ADAR: variants seen among roughly 807,000 people sequenced by gnomAD.
The protein encoded by ADAR is double-stranded RNA-specific adenosine deaminase.
ADAR carries 41 observed loss-of-function variants against 113.2 expected under a neutral mutation model. The observed-to-expected ratio is 0.36, with a 90% CI of 0.28 to 0.47. ADAR has a LOEUF of 0.47. Among genes scored for constraint, ADAR ranks in the 20% least tolerant of loss-of-function variants. ADAR has a pLI of 1.00. For missense variants in ADAR, 1,242 were observed against 1,540.9 expected, an observed-to-expected ratio of 0.81 and a Z score of 3.25; for synonymous variants, 605 against 572.6, an observed-to-expected ratio of 1.06 and a Z score of -0.81.
chr1:154,588,818 G>GGTC, intron 9 of ADAR, 145 bp from the exon 10 acceptor site: 1 of 1,163,956 alleles, frequency 8.6e-7, no homozygotes, highest in Non-Finnish European at 1.3e-6. Flanking sequence ...ATTCTCCAGG[G>GGTC]GAGACCTCAG....
upstream of ADAR, among the ~76,000 whole-genome samples, chr1:154,611,675 C>A (rs1698492256): frequency 6.6e-6 from 1 of 152,230 alleles, no homozygotes; most frequent in Non-Finnish European, 1.5e-5. Context: ...ACTGCCAACA[C>A]ATGGGTGGTC....
Position 154,582,571 on chromosome 1 carries a change from A to G in ADAR, c.*2235T>C, listed in dbSNP as rs1021097695. ...GCCTCGCTCTCTTCCTACAACAGAA[A>G]CTGAATACTACAGGCTTGCTAGATA... On this transcript the variant is annotated 3_prime_UTR_variant, in exon 15 of 15. Coordinates refer to ENST00000368474, the MANE Select transcript of ADAR (RefSeq NM_001111.5). The G allele has an allele frequency of 2.0e-5, 3 of 151,888 alleles. No homozygotes were observed. The highest frequency in any genetic ancestry group is 2.0e-4 in the Admixed American group (3 of 15,242). 9.4% of individuals were successfully genotyped at this position (151,888 alleles called of 1,614,324 possible).
At chr1:154,621,195 T>C (rs1698782949) in intron 1 of ADAR, among the ~76,000 whole-genome samples, 1 of 152,188 alleles carries the variant, frequency 6.6e-6, no homozygotes, top group South Asian at 2.1e-4. Flanking sequence ...TGATTTTATT[T>C]AAAATATTAC....
At chr1:154,586,505 G>A in intron 11 of ADAR, 142 bp from the exon 12 acceptor site, 1 of 892,584 alleles carries the variant, frequency 1.1e-6, no homozygotes, top group Non-Finnish European at 1.8e-6. Flanking sequence ...TATGCGCCAG[G>A]CACTATGCTT....
intron 1 of ADAR, among the ~76,000 whole-genome samples, chr1:154,626,687 A>T (rs1698946837): frequency 6.6e-6 from 1 of 152,192 alleles, no homozygotes; most frequent in Admixed American, 6.5e-5. Flanking sequence ...ACCTCGGGCA[A>T]GGTAGATATA....
At position 154,601,214 on chromosome 1, in the gene ADAR, G is replaced by C; in HGVS notation, c.1428C>G (p.Ile476Met). Reference protein sequence around the residue: ...IRAAPGEFRAIMEMPSFYSHG... With the variant: ...IRAAPGEFRAMMEMPSFYSHG... ...GACTGTAGAAGGAGGGCATCTCCAT[G>C]ATGGCTCGAAACTCACCTGGTGCTG... The change falls in exon 2 of 15, where the codon ATC (isoleucine) becomes ATG (methionine). Residue 476 changes from isoleucine (I) to methionine (M), a missense_variant. By Grantham distance (10) the Ile-to-Met change is conservative (BLOSUM62 1). Coordinates refer to ENST00000368474, the MANE Select transcript of ADAR (RefSeq NM_001111.5). The surrounding 1 kb of genome is among the most constrained non-coding windows in gnomAD (Gnocchi z 4.7). 6.2e-7 allele frequency: 1 copy of C among 1,614,220 alleles called. No homozygotes were observed. The highest frequency in any genetic ancestry group is 8.5e-7 in the Non-Finnish European group (1 of 1,180,036).
rs1696521345 is a variant in ADAR, at chr1:154,583,219, G to C, written c.*1587C>G. 6.6e-6 allele frequency: 1 copy of C among 152,146 alleles called. No homozygotes were observed. The highest frequency in any genetic ancestry group is 1.5e-5 in the Non-Finnish European group (1 of 68,024). The allele number at this position is 152,146 out of a possible 1,614,324, so 9.4% of individuals were successfully genotyped here. A position where few individuals can be genotyped will look rare whatever the true frequency, so the allele number is the denominator to read the frequency against. ...TGTGTCTAGCTGACTGTTATCGAGG[G>C]ACACGTAAAAGCAGCATCACAAAAC... On this transcript the variant is annotated 3_prime_UTR_variant, in exon 15 of 15. Coordinates refer to ENST00000368474, the MANE Select transcript of ADAR (RefSeq NM_001111.5).
intron 2 of ADAR, among the ~76,000 whole-genome samples, chr1:154,599,868 A>T (rs1039003217): frequency 9.9e-5 from 15 of 152,214 alleles, no homozygotes; most frequent in African/African-American, 3.1e-4. Flanking sequence ...TGTGCAGAGG[A>T]GGTTTATAAA....
chr1:154,607,058 T>C (rs1007839), intron 1 of ADAR, among the ~76,000 whole-genome samples: 2,053 of 152,260 alleles, frequency 0.013, 18 homozygotes, highest in Non-Finnish European at 0.019. Flanking sequence ...AATCAAGATA[T>C]AGAACATTTC....
rs1175033186 is a variant in ADAR, at chr1:154,608,064, G to C, written c.-58C>G. ...CCGGCGGCACGACCCTGGCCCGACC[G>C]CTGGGCCGCGCCAGCCCCTCGAGGC... On this transcript the variant is annotated 5_prime_UTR_variant, in exon 1 of 15. Coordinates refer to ENST00000368474, the MANE Select transcript of ADAR (RefSeq NM_001111.5). The C allele has an allele frequency of 3.9e-6, 6 of 1,520,496 alleles. No homozygotes were observed. In the African/African-American group the frequency reaches 8.5e-5, roughly 22 times the overall value. The allele number at this position is 1,520,496 out of a possible 1,614,324, so 94.2% of individuals were successfully genotyped here. A position where few individuals can be genotyped will look rare whatever the true frequency, so the allele number is the denominator to read the frequency against.
intron 1 of ADAR, among the ~76,000 whole-genome samples, chr1:154,613,457 A>T (rs1311120568): frequency 6.6e-6 from 1 of 151,160 alleles, no homozygotes; most frequent in Admixed American, 6.6e-5. Context: ...GCTAATTTTT[A>T]TATTTTTAGT....
upstream of ADAR, among the ~76,000 whole-genome samples, chr1:154,611,034 A>T (rs1404349828): frequency 6.6e-6 from 1 of 152,262 alleles, no homozygotes. Context: ...ACAAATTTAA[A>T]AGGTAAAAAC....
chr1:154,591,663 T>C (rs965335847), intron 6 of ADAR, among the ~76,000 whole-genome samples: 2 of 152,212 alleles, frequency 1.3e-5, no homozygotes, highest in African/African-American at 4.8e-5. Context: ...CAGATCCTAA[T>C]CTACTGGCTG....
Position 154,590,185 on chromosome 1 carries a change from G to C in ADAR, c.2495C>G (p.Thr832Arg). 16 of 1,601,044 alleles carry C rather than the reference G, an allele frequency of 1.0e-5. No individual in the cohort carries two copies. The highest frequency in any genetic ancestry group is 1.3e-5 in the Non-Finnish European group (15 of 1,173,664). The change falls in exon 7 of 15, where the codon ACA (threonine) becomes AGA (arginine). Residue 832 changes from threonine to arginine, a missense_variant and splice_region_variant. Around this residue, in one of 2 missense-constraint regions of ADAR, gnomAD observed 780 missense variants for 1,057.9 expected, o/e 0.74. Transcript: ENST00000368474. ...LSRSPEAQPK[T>R]LPLTGSTFHD... ...GGCACCAAAAGTAGACGTCTTAACT[G>C]TCTTTGGCTGTGCTTCTGGGGACCT...
rs753294425 is a variant in ADAR, at chr1:154,602,549, C to T, written c.93G>A (p.Gly31=). 2 of 1,614,202 alleles carry T rather than the reference C, an allele frequency of 1.2e-6. No homozygotes were observed. Among genetic ancestry groups the T allele is most frequent in the Non-Finnish European group, 1.7e-6 (2 of 1,180,020 alleles). Residue 31 remains glycine, a synonymous_variant, in exon 2 of 15, where the codon GGG becomes GGA. Coordinates refer to ENST00000368474, the MANE Select transcript of ADAR (RefSeq NM_001111.5). ...EHRQLRYQQP[G]PGSSPSSFLL... The stretch of plus-strand genomic sequence containing the variant: ...GGAAACTACTGGGGGAAGATCCTGG[C>T]CCAGGCTGCTGGTACCTGAGCTGTC...
At chr1:154,619,096 T>C (rs1698715322) in intron 1 of ADAR, among the ~76,000 whole-genome samples, 5 of 151,772 alleles carry the variant, frequency 3.3e-5, no homozygotes, top group Admixed American at 1.3e-4. Context: ...GGCAACAGAG[T>C]GAGACTCCAT....
At chr1:154,598,262 C>A (rs1424658858) in intron 3 of ADAR, 140 bp downstream of exon 3, 3 of 952,026 alleles carry the variant, frequency 3.2e-6, no homozygotes, top group East Asian at 5.1e-5. Context: ...GGTGGGCTGG[C>A]GAGATAGGGT....
At chr1:154,590,786 T>TA (rs5777920) in intron 6 of ADAR, among the ~76,000 whole-genome samples, 3 of 119,134 alleles carry the variant, frequency 2.5e-5, no homozygotes, top group African/African-American at 8.3e-5. Context: ...CCCTGTCTCT[T>TA]AAAAAAAAAA....
At chr1:154,610,206 A>G (rs1698438739), upstream of ADAR, among the ~76,000 whole-genome samples, 1 of 152,234 alleles carries the variant, frequency 6.6e-6, no homozygotes, top group Admixed American at 6.5e-5. Flanking sequence ...TAGTCACTAC[A>G]GGAAACCAGT....
Sources: gnomAD v4.1 joint callset for allele counts (sites outside exome capture counted in the v4.1 genomes callset) on GRCh38, gnomAD v4.1.1 for gene constraint, gnomAD v4.1.1 regional missense constraint, Gnocchi (gnomAD v3.1) non-coding constraint, MANE v1.5 for transcripts, NCBI Gene and HGNC (gene_info 2026-07-23, HGNC 2026-07-21) for gene names.